The following MAN2A1 variants were observed in gnomAD, a reference collection of about 807,000 sequenced individuals.
The protein encoded by MAN2A1 is mannosidase alpha class 2A member 1.
In MAN2A1, 76 loss-of-function variants were observed where a neutral mutation model predicts 142.6. That is an observed-to-expected ratio of 0.53 (90% CI 0.44 to 0.65). The LOEUF (loss-of-function observed/expected upper bound fraction) is 0.65, where lower values mean the gene tolerates loss of function less well. Among genes scored for constraint, MAN2A1 ranks in the 30% least tolerant of loss-of-function variants. The pLI, the probability that MAN2A1 is intolerant of heterozygous loss-of-function variation, is 0.00. For synonymous variants in MAN2A1, 559 were observed against 473.2 expected (o/e 1.18, Z -2.35); for missense variants, 1,311 against 1,365.1 (o/e 0.96, Z 0.62).
At chr5:109,727,724 G>A (rs1378500222) in intron 3 of MAN2A1, among the ~76,000 whole-genome samples, 2 of 152,160 alleles carry the variant, frequency 1.3e-5, no homozygotes, top group African/African-American at 4.8e-5. Flanking sequence ...TATCAGTTCT[G>A]AGCACTTGAT....
At chr5:109,748,981 A>G (rs1752478323) in intron 4 of MAN2A1, among the ~76,000 whole-genome samples, 1 of 151,698 alleles carries the variant, frequency 6.6e-6, no homozygotes, top group Non-Finnish European at 1.5e-5. Context: ...TTTAGGATAT[A>G]AGTTGATTCA....
At chr5:109,703,603 A>T (rs978480377) in intron 1 of MAN2A1, among the ~76,000 whole-genome samples, 31 of 144,534 alleles carry the variant, frequency 2.1e-4, no homozygotes, top group Non-Finnish European at 4.0e-4. Context: ...TGTGGTTTTT[A>T]AAAAAAAATC....
chr5:109,782,481 A>C (rs1295511657), intron 9 of MAN2A1, among the ~76,000 whole-genome samples: 1 of 152,208 alleles, frequency 6.6e-6, no homozygotes, highest in Admixed American at 6.5e-5. Context: ...TGATAAAGTT[A>C]AAACTACTCC....
chr5:109,782,032 C>A (rs938455008), intron 9 of MAN2A1, among the ~76,000 whole-genome samples: 1 of 152,142 alleles, frequency 6.6e-6, no homozygotes. Context: ...CTTCAAAGTT[C>A]ACAGTCCAAA....
At chr5:109,711,512 C>T (rs573229460) in intron 1 of MAN2A1, among the ~76,000 whole-genome samples, 1 of 152,316 alleles carries the variant, frequency 6.6e-6, no homozygotes, top group South Asian at 2.1e-4. Flanking sequence ...AAGGGATCCC[C>T]TTTCGTCTTT....
chr5:109,722,080 G>T (rs1466803870), intron 3 of MAN2A1, among the ~76,000 whole-genome samples: 2 of 152,200 alleles, frequency 1.3e-5, no homozygotes, highest in Admixed American at 1.3e-4. Flanking sequence ...ACCAGTACTT[G>T]TAACAGTTTT....
intron 3 of MAN2A1, among the ~76,000 whole-genome samples, chr5:109,727,145 T>TTTC (rs1751767820): frequency 3.9e-5 from 6 of 152,214 alleles, no homozygotes; most frequent in Non-Finnish European, 5.9e-5. Context: ...ATGACGCTGA[T>TTTC]TTGTTCTAGG....
chr5:109,690,646 G>A, intron 1 of MAN2A1, 94 bp downstream of exon 1: 1 of 1,397,652 alleles, frequency 7.2e-7, no homozygotes. Context: ...TCCCGCCGCG[G>A]CCCCACACCC....
chr5:109,735,837 G>A (rs180884234), intron 4 of MAN2A1, among the ~76,000 whole-genome samples: 1 of 146,664 alleles, frequency 6.8e-6, no homozygotes, highest in African/African-American at 2.5e-5. Context: ...AACATTTAAA[G>A]ATAATTTGGG....
At chr5:109,705,519 G>A (rs1751106050) in intron 1 of MAN2A1, among the ~76,000 whole-genome samples, 1 of 152,128 alleles carries the variant, frequency 6.6e-6, no homozygotes, top group African/African-American at 2.4e-5. Flanking sequence ...TGGCTCTCCA[G>A]CTCTGATGAT....
intron 3 of MAN2A1, among the ~76,000 whole-genome samples, chr5:109,726,473 C>T (rs1417791402): frequency 6.6e-6 from 1 of 152,124 alleles, no homozygotes; most frequent in Admixed American, 6.6e-5. Flanking sequence ...GTGGTGATAT[C>T]AGTATGAGTT....
intron 16 of MAN2A1, among the ~76,000 whole-genome samples, chr5:109,839,647 CTCTTTTTT>C (rs1369731624): frequency 1.5e-5 from 2 of 131,232 alleles, no homozygotes; most frequent in Non-Finnish European, 3.2e-5. Flanking sequence ...CCCTGTCTCT[CTCTTTTTT>C]TTTTTTTTTT....
At chr5:109,800,659 C>A (rs911142143) in intron 12 of MAN2A1, among the ~76,000 whole-genome samples, 6 of 152,154 alleles carry the variant, frequency 3.9e-5, no homozygotes, top group African/African-American at 1.4e-4. Flanking sequence ...ATTAGCATTT[C>A]TTTTTGTAAT....
intron 12 of MAN2A1, among the ~76,000 whole-genome samples, chr5:109,806,126 C>T (rs1754158146): frequency 1.3e-5 from 2 of 152,152 alleles, no homozygotes; most frequent in South Asian, 4.1e-4. Flanking sequence ...TGATAAGGCT[C>T]TGTTCAGAGA....
chr5:109,718,711 G>T (rs965562878), intron 3 of MAN2A1, among the ~76,000 whole-genome samples: 1 of 152,152 alleles, frequency 6.6e-6, no homozygotes, highest in Non-Finnish European at 1.5e-5. Flanking sequence ...GGTCTTCGCA[G>T]ATGTAAACAT....
At chr5:109,771,050 A>T (rs2112651798) in intron 7 of MAN2A1, among the ~76,000 whole-genome samples, 1 of 152,304 alleles carries the variant, frequency 6.6e-6, no homozygotes. Context: ...GACTTACAGT[A>T]AACTTTAATT....
intron 12 of MAN2A1, among the ~76,000 whole-genome samples, chr5:109,793,953 G>A (rs1484186156): frequency 6.6e-6 from 1 of 152,084 alleles, no homozygotes; most frequent in Non-Finnish European, 1.5e-5. Context: ...AGTTTAATGG[G>A]ATTCAAGGCT....
chr5:109,726,128 A>G (rs1301647552), intron 3 of MAN2A1, among the ~76,000 whole-genome samples: 2 of 152,172 alleles, frequency 1.3e-5, no homozygotes, highest in African/African-American at 2.4e-5. Context: ...CAACAGAAAG[A>G]AAAAAAGCTG....
chr5:109,854,983 G>T, intron 19 of MAN2A1, 157 bp from the exon 20 acceptor site: 1 of 434,688 alleles, frequency 2.3e-6, no homozygotes, highest in Non-Finnish European at 4.0e-6. Context: ...AACTAAACTT[G>T]GTAGTTTATG....
Sources: allele counts gnomAD v4.1 joint callset (sites outside exome capture counted in the v4.1 genomes callset), GRCh38; gene constraint gnomAD v4.1.1; transcripts MANE v1.5; gene names NCBI Gene and HGNC (gene_info 2026-07-23, HGNC 2026-07-21).